PDE1C: variants seen among roughly 807,000 people sequenced by gnomAD.
The protein encoded by PDE1C is phosphodiesterase 1C, also known as dual specificity calcium/calmodulin-dependent 3',5'-cyclic nucleotide phosphodiesterase 1C.
A neutral mutation model predicts 93.1 loss-of-function variants in PDE1C; 62 were observed. That is an observed-to-expected ratio of 0.67 (90% CI 0.54 to 0.82). The LOEUF is 0.82. Among genes scored for constraint, PDE1C ranks in the 40% least tolerant of loss-of-function variants. The pLI, the probability that PDE1C is intolerant of heterozygous loss-of-function variation, is 0.00. For synonymous variants in PDE1C, 325 were observed against 310.1 expected, an observed-to-expected ratio of 1.05 and a Z score of -0.50; for missense variants, 742 against 884.6, an observed-to-expected ratio of 0.84 and a Z score of 2.04.
At chr7:32,426,448 A>G (rs1238098261) in intron 1 of PDE1C, among the ~76,000 whole-genome samples, 1 of 152,002 alleles carries the variant, frequency 6.6e-6, no homozygotes, top group South Asian at 2.1e-4. Flanking sequence ...CAGTGTTTTG[A>G]GTTTTTGGTA....
rs141026790 is a variant in PDE1C at position 32,274,614 on chromosome 7, G to A, written c.85+24037C>T. On this transcript the variant is annotated intron_variant, in intron 1 of 18. Coordinates refer to the PDE1C transcript ENST00000396193. ...AATTTTAAATCAGGGTTTAAGGACTGTTATGACTAGATCAGCTTCAGCATC... is the reference window on the plus strand; with the variant it reads ...AATTTTAAATCAGGGTTTAAGGACTATTATGACTAGATCAGCTTCAGCATC... Among the ~76,000 whole-genome samples, 691 of 152,254 alleles carry A rather than the reference G, an allele frequency of 4.5e-3. 8 individuals are homozygous for A. The highest frequency in any genetic ancestry group is 0.016 in the African/African-American group (656 of 41,520).
intron 2 of PDE1C, among the ~76,000 whole-genome samples, chr7:31,963,560 A>G: frequency 6.6e-6 from 1 of 152,144 alleles, no homozygotes; most frequent in Non-Finnish European, 1.5e-5. Flanking sequence ...TTTTCTCCCA[A>G]TCATATTATT....
chr7:31,795,164 G>A (rs958135062), intron 16 of PDE1C, among the ~76,000 whole-genome samples: 1 of 151,918 alleles, frequency 6.6e-6, no homozygotes, highest in Non-Finnish European at 1.5e-5. Flanking sequence ...TTTAGCATGT[G>A]AGCGTCTAGA....
At chr7:31,667,138 C>T in the PDE1C span, among the ~76,000 whole-genome samples, 2 of 152,020 alleles carry the variant, frequency 1.3e-5, no homozygotes, top group African/African-American at 2.4e-5. Context: ...GATGGGGGCA[C>T]AAGGGTGGTC....
intron 1 of PDE1C, among the ~76,000 whole-genome samples, chr7:32,410,322 C>A (rs1294022687): frequency 1.4e-5 from 2 of 145,276 alleles, no homozygotes; most frequent in South Asian, 4.4e-4. Flanking sequence ...CAGAGTGAGA[C>A]CCGCATCTCT....
intron 3 of PDE1C, among the ~76,000 whole-genome samples, chr7:32,079,949 C>T (rs2128735398): frequency 6.6e-6 from 1 of 152,214 alleles, no homozygotes; most frequent in South Asian, 2.1e-4. Context: ...CCCAAGTGGT[C>T]ACGGATGGCC....
At chr7:31,829,211 G>C (rs2128749161) in intron 11 of PDE1C, among the ~76,000 whole-genome samples, 1 of 152,186 alleles carries the variant, frequency 6.6e-6, no homozygotes, top group East Asian at 1.9e-4. Flanking sequence ...CTAGATGTGA[G>C]ATAGATCACA....
chr7:31,809,570 A>AT lies in PDE1C; in HGVS notation c.1814-463dup, dbSNP rs370812242. ...ATTCTAAAACAGAGCTAGAAATGGT[A>AT]TTTTAATAAATGATCTTGTCAAAAT... is the stretch of plus-strand genomic sequence containing the variant. On this transcript the variant is annotated intron_variant, in intron 15 of 17. Coordinates refer to ENST00000396191, the MANE Select transcript of PDE1C (RefSeq NM_001191057.4). Among the ~76,000 whole-genome samples, 520 of 152,188 alleles carry AT rather than the reference A, an allele frequency of 3.4e-3. 1 individual carries two copies. Among genetic ancestry groups the AT allele is most frequent in the African/African-American group, 0.012 (495 of 41,546 alleles).
intron 3 of PDE1C, among the ~76,000 whole-genome samples, chr7:32,093,539 T>C (rs997916133): frequency 6.6e-6 from 1 of 152,190 alleles, no homozygotes; most frequent in Non-Finnish European, 1.5e-5. Flanking sequence ...TGCTTAGAAA[T>C]GTGGTGTTAC....
chr7:32,164,969 G>A (rs1355720795), intron 3 of PDE1C, among the ~76,000 whole-genome samples: 2 of 152,236 alleles, frequency 1.3e-5, no homozygotes, highest in Non-Finnish European at 2.9e-5. Flanking sequence ...GATAAAATGT[G>A]AGAAACAAGG....
At chr7:32,399,935 T>C (rs1464042512) in intron 1 of PDE1C, among the ~76,000 whole-genome samples, 1 of 152,086 alleles carries the variant, frequency 6.6e-6, no homozygotes, top group Non-Finnish European at 1.5e-5. Flanking sequence ...CCAGATATAG[T>C]TATATTGTGG....
Position 32,220,796 on chromosome 7 carries a change from C to A in PDE1C, c.86-11257G>T, listed in dbSNP as rs577859561. Reference sequence around the variant, plus strand: ...TCGCACCACTGCACTCCAGCCTGGGCGACAGAGCGAGACTCCATCTCAAAA... The same window carrying A: ...TCGCACCACTGCACTCCAGCCTGGGAGACAGAGCGAGACTCCATCTCAAAA... On this transcript the variant is annotated intron_variant, in intron 1 of 18. Coordinates refer to the PDE1C transcript ENST00000396193. Among the ~76,000 whole-genome samples the A allele has an allele frequency of 3.3e-5, 5 of 152,164 alleles. No individual in the cohort carries two copies. The South Asian group carries it at 1.0e-3, about 32-fold the overall frequency.
Position 32,146,033 on chromosome 7 carries a change from A to G in PDE1C, c.308+23752T>C, listed in dbSNP as rs143493543. ...GAAAATTTAAGTAAGGAGGAATAAGAAGGGGTAGTTAGCATGGGGGAACTG... is the reference window on the plus strand; with the variant it reads ...GAAAATTTAAGTAAGGAGGAATAAGGAGGGGTAGTTAGCATGGGGGAACTG... On this transcript the variant is annotated intron_variant, in intron 3 of 18. Coordinates refer to the PDE1C transcript ENST00000396193. Among the ~76,000 whole-genome samples, 301 of 152,238 alleles carry G rather than the reference A, an allele frequency of 2.0e-3. 1 individual carries two copies. The highest frequency in any genetic ancestry group is 6.5e-3 in the African/African-American group (270 of 41,556).
intron 2 of PDE1C, among the ~76,000 whole-genome samples, chr7:31,910,982 T>C (rs991557983): frequency 6.6e-6 from 1 of 152,218 alleles, no homozygotes; most frequent in Non-Finnish European, 1.5e-5. Flanking sequence ...GGAATACTCA[T>C]GTTGAAATAC....
At chr7:32,208,720 C>G (rs547800140) in intron 2 of PDE1C, among the ~76,000 whole-genome samples, 13 of 152,096 alleles carry the variant, frequency 8.5e-5, no homozygotes, top group Admixed American at 7.8e-4. Flanking sequence ...TTTCCCCCCC[C>G]TTCTTTGGAA....
chr7:32,348,943 T>C (rs545479628), intron 1 of PDE1C, among the ~76,000 whole-genome samples: 1 of 152,364 alleles, frequency 6.6e-6, no homozygotes, highest in Non-Finnish European at 1.5e-5. Context: ...GCAAGTATTC[T>C]AAATCCTCTT....
At chr7:32,338,102 G>GA (rs1783666659) in intron 1 of PDE1C, among the ~76,000 whole-genome samples, 1 of 152,178 alleles carries the variant, frequency 6.6e-6, no homozygotes, top group South Asian at 2.1e-4. Context: ...GGCAACAAAA[G>GA]AAAAAATGGA....
upstream of PDE1C, chr7:32,070,476 C>T (rs1029007184): frequency 2.5e-6 from 4 of 1,571,918 alleles, no homozygotes; most frequent in Non-Finnish European, 3.5e-6. Context: ...GCTCGCGATG[C>T]CCAGCCAGGC....
In PDE1C at chr7:31,995,429, G is replaced by A. The variant is rs182376455; in HGVS notation, c.128+56125C>T. 1.1e-3 allele frequency among the ~76,000 whole-genome samples: 160 copies of A among 146,380 alleles called. 1 individual carries two copies. The highest frequency in any genetic ancestry group is 4.3e-3 in the African/African-American group (153 of 35,918). ...CAAACCTGCTATGCCCAGAAGCCCT[G>A]TTTTACAGCAGAGAATATTTCTTCA... is the stretch of plus-strand genomic sequence containing the variant. On this transcript the variant is annotated intron_variant, in intron 2 of 17. Coordinates refer to ENST00000396191, the MANE Select transcript of PDE1C (RefSeq NM_001191057.4).
Sources: allele counts gnomAD v4.1 joint callset (sites outside exome capture counted in the v4.1 genomes callset), GRCh38; gene constraint gnomAD v4.1.1; transcripts MANE v1.5; gene names NCBI Gene and HGNC (gene_info 2026-07-23, HGNC 2026-07-21).